MED13L: variants seen among roughly 807,000 people sequenced by gnomAD.
MED13L encodes the protein mediator of RNA polymerase II transcription subunit 13-like.
In MED13L, 7 loss-of-function variants were observed where a neutral mutation model predicts 220.9. The observed-to-expected ratio is 0.03, with a 90% CI of 0.02 to 0.06. The LOEUF (loss-of-function observed/expected upper bound fraction) is 0.06, where lower values mean the gene tolerates loss of function less well. MED13L is among the 10% of genes least tolerant of loss of function. MED13L has a pLI of 1.00. For missense variants in MED13L, 1,965 were observed against 2,760.5 expected, an observed-to-expected ratio of 0.71 and a Z score of 6.46; for synonymous variants, 1,011 against 1,015.2, an observed-to-expected ratio of 1.00 and a Z score of 0.08.
chr12:116,276,828 G>A, intron 1 of MED13L: 1 of 1,078,330 alleles, frequency 9.3e-7, no homozygotes, highest in Non-Finnish European at 1.3e-6. Context: ...CAAATTCCAC[G>A]CCGAGCGCCG....
intron 4 of MED13L, among the ~76,000 whole-genome samples, chr12:116,090,549 C>T (rs1030997189): frequency 2.0e-5 from 3 of 152,146 alleles, no homozygotes; most frequent in African/African-American, 7.2e-5. Context: ...CAGAGACATA[C>T]ATGGATAGGA....
At chr12:116,072,702 C>T (rs566025972) in intron 4 of MED13L, among the ~76,000 whole-genome samples, 1 of 152,272 alleles carries the variant, frequency 6.6e-6, no homozygotes, top group Non-Finnish European at 1.5e-5. Context: ...CCGTGCCAGG[C>T]CCACAGTTCA....
chr12:116,008,111 T>C (rs749111318), intron 10 of MED13L: 2 of 429,788 alleles, frequency 4.7e-6, no homozygotes, highest in African/African-American at 2.0e-5. Context: ...GAAAGTCTTA[T>C]AAAGCTATAT....
intron 2 of MED13L, among the ~76,000 whole-genome samples, chr12:116,167,000 G>T (rs1415439488): frequency 2.0e-5 from 3 of 151,986 alleles, no homozygotes; most frequent in African/African-American, 7.3e-5. Flanking sequence ...TTGACTTCAA[G>T]TATGAAGACA....
Position 116,013,783 on chromosome 12 carries a change from C to CA in MED13L, c.1176-883dup, listed in dbSNP as rs530368042. Among the ~76,000 whole-genome samples, 323 of 152,288 alleles carry CA rather than the reference C, an allele frequency of 2.1e-3. 3 individuals carry two copies. The highest frequency in any genetic ancestry group is 7.4e-3 in the African/African-American group (306 of 41,554). ...GCTGATTTTGCTACAGCAGATACTG[C>CA]AAAGTGTTTCAACAGTGGCTCTACA... On this transcript the variant is annotated intron_variant, in intron 8 of 30. Coordinates refer to ENST00000281928, the MANE Select transcript of MED13L (RefSeq NM_015335.5).
intron 2 of MED13L, among the ~76,000 whole-genome samples, chr12:116,167,783 T>C (rs1167358690): frequency 6.6e-6 from 1 of 152,202 alleles, no homozygotes; most frequent in East Asian, 1.9e-4. Flanking sequence ...TATTGCTTAA[T>C]TGCTAACATT....
At chr12:116,253,137 C>T (rs951008766) in intron 1 of MED13L, among the ~76,000 whole-genome samples, 3 of 142,212 alleles carry the variant, frequency 2.1e-5, no homozygotes, top group East Asian at 4.1e-4. Flanking sequence ...TGGTGCGCAC[C>T]TGTAATCCCA....
At chr12:116,232,125 C>A (rs993241289) in intron 2 of MED13L, 2 of 985,214 alleles carry the variant, frequency 2.0e-6, no homozygotes, top group African/African-American at 3.5e-5. Context: ...TTTTTACAAT[C>A]GCCCACACCT....
intron 1 of MED13L, among the ~76,000 whole-genome samples, chr12:116,252,921 A>C (rs1333383641): frequency 6.6e-6 from 1 of 152,154 alleles, no homozygotes; most frequent in Admixed American, 6.5e-5. Context: ...AAATTCCTTT[A>C]CCAAATTAAC....
At chr12:116,119,838 A>AAAAAAAATAT (rs1555213242) in intron 2 of MED13L, among the ~76,000 whole-genome samples, 1 of 31,592 alleles carries the variant, frequency 3.2e-5, no homozygotes, top group Non-Finnish European at 5.5e-5. Flanking sequence ...AAAAAAAAAA[A>AAAAAAAATAT]ATATATATAT....
At chr12:116,186,102 C>T (rs1282240306) in intron 2 of MED13L, among the ~76,000 whole-genome samples, 1 of 152,220 alleles carries the variant, frequency 6.6e-6, no homozygotes, top group Non-Finnish European at 1.5e-5. Flanking sequence ...TTTCAAACCT[C>T]ATCATTTTGA....
intron 19 of MED13L, 65 bp downstream of exon 19, chr12:115,986,201 G>A: frequency 2.1e-6 from 3 of 1,444,218 alleles, no homozygotes; most frequent in Non-Finnish European, 2.9e-6. Flanking sequence ...TTGAAATTTA[G>A]TCATCACTAT....
chr12:116,078,370 T>C (rs1870982992), intron 4 of MED13L, among the ~76,000 whole-genome samples: 1 of 152,180 alleles, frequency 6.6e-6, no homozygotes, highest in Non-Finnish European at 1.5e-5. Context: ...TAATCATTTC[T>C]ACATATAATT....
intron 14 of MED13L, among the ~76,000 whole-genome samples, chr12:115,999,119 G>T (rs541268616): frequency 4.7e-4 from 72 of 152,202 alleles, no homozygotes; most frequent in Admixed American, 2.0e-3. Flanking sequence ...TATAAAGTTA[G>T]TCTACACTGG....
At chr12:115,973,986 T>C (rs1420601850) in intron 25 of MED13L, among the ~76,000 whole-genome samples, 1 of 152,134 alleles carries the variant, frequency 6.6e-6, no homozygotes, top group Non-Finnish European at 1.5e-5. Flanking sequence ...GCAAGTTATA[T>C]CTGTACCAGT....
chr12:116,134,678 A>G (rs1170565299), intron 2 of MED13L, among the ~76,000 whole-genome samples: 1 of 152,218 alleles, frequency 6.6e-6, no homozygotes. Flanking sequence ...AAATGCAATT[A>G]AGTCTTTTAC....
At chr12:116,266,126 C>G (rs193195123) in intron 1 of MED13L, among the ~76,000 whole-genome samples, 1 of 152,162 alleles carries the variant, frequency 6.6e-6, no homozygotes, top group Non-Finnish European at 1.5e-5. Flanking sequence ...TCAAACATAG[C>G]GTACAAAACA....
At chr12:116,026,767 C>G (rs548459197) in intron 4 of MED13L, among the ~76,000 whole-genome samples, 1 of 152,274 alleles carries the variant, frequency 6.6e-6, no homozygotes, top group South Asian at 2.1e-4. Flanking sequence ...TGTGACCTAG[C>G]AACAGCACTT....
At chr12:116,061,073 A>G (rs764794895) in intron 4 of MED13L, among the ~76,000 whole-genome samples, 13 of 152,206 alleles carry the variant, frequency 8.5e-5, no homozygotes, top group Non-Finnish European at 1.9e-4. Context: ...AAATGCTTCT[A>G]TATGAGGTCT....
Sources: gnomAD v4.1 joint callset for allele counts (sites outside exome capture counted in the v4.1 genomes callset) on GRCh38, gnomAD v4.1.1 for gene constraint, MANE v1.5 for transcripts, NCBI Gene and HGNC (gene_info 2026-07-23, HGNC 2026-07-21) for gene names.